Variants in ARHGEF12 observed in about 807,000 individuals in gnomAD.
The protein encoded by ARHGEF12 is Rho guanine nucleotide exchange factor 12, also known as KMT2A/ARHGEF12 fusion protein.
ARHGEF12 carries 66 observed loss-of-function variants against 211.2 expected under a neutral mutation model. That is an observed-to-expected ratio of 0.31 (90% CI 0.26 to 0.38). ARHGEF12 has a LOEUF of 0.38. ARHGEF12 is among the 10% of genes least tolerant of loss of function. ARHGEF12 has a pLI of 1.00. For synonymous variants in ARHGEF12, 592 were observed against 638.4 expected, an observed-to-expected ratio of 0.93 and a Z score of 1.09; for missense variants, 1,429 against 1,869.5, an observed-to-expected ratio of 0.76 and a Z score of 4.34.
intron 1 of ARHGEF12, among the ~76,000 whole-genome samples, chr11:120,376,441 A>G (rs1943725800): frequency 1.3e-5 from 2 of 152,088 alleles, no homozygotes; most frequent in Admixed American, 1.3e-4. Flanking sequence ...ACTGAGACTT[A>G]TTTCCTTCAT....
At chr11:120,382,857 G>C (rs1417105044) in intron 1 of ARHGEF12, among the ~76,000 whole-genome samples, 1 of 152,190 alleles carries the variant, frequency 6.6e-6, no homozygotes, top group Non-Finnish European at 1.5e-5. Flanking sequence ...AGGCAGTAAG[G>C]GGGCCGGGCG....
chr11:120,372,715 A>G (rs1237033127), intron 1 of ARHGEF12, among the ~76,000 whole-genome samples: 1 of 152,132 alleles, frequency 6.6e-6, no homozygotes, highest in Non-Finnish European at 1.5e-5. Context: ...ATGATAAGAT[A>G]GGCCTGAGTT....
intron 1 of ARHGEF12, among the ~76,000 whole-genome samples, chr11:120,405,442 AC>A (rs917264837): frequency 6.6e-6 from 1 of 151,618 alleles, no homozygotes; most frequent in African/African-American, 2.4e-5. Flanking sequence ...AGCTTATAGG[AC>A]CCCCCCAGAA....
chr11:120,387,337 C>T (rs1944068610), intron 1 of ARHGEF12, among the ~76,000 whole-genome samples: 2 of 152,000 alleles, frequency 1.3e-5, no homozygotes, highest in Admixed American at 1.3e-4. Flanking sequence ...CTGTCATCTT[C>T]CTTCTTCCCT....
At chr11:120,395,462 T>C (rs1220830778) in intron 1 of ARHGEF12, among the ~76,000 whole-genome samples, 1 of 152,220 alleles carries the variant, frequency 6.6e-6, no homozygotes, top group Non-Finnish European at 1.5e-5. Flanking sequence ...GAGCTTAATA[T>C]AGATACAGAT....
chr11:120,478,567 C>T (rs1045012583), intron 37 of ARHGEF12, among the ~76,000 whole-genome samples, 178 bp downstream of exon 37: 4 of 152,168 alleles, frequency 2.6e-5, no homozygotes, highest in African/African-American at 9.7e-5. Flanking sequence ...TCTGTTAGCT[C>T]CCCACCCCCC....
chr11:120,395,201 C>T (rs1944345622), intron 1 of ARHGEF12, among the ~76,000 whole-genome samples: 1 of 150,142 alleles, frequency 6.7e-6, no homozygotes, highest in Non-Finnish European at 1.5e-5. Context: ...ATTACATATA[C>T]ATAAAACAGG....
intron 1 of ARHGEF12, among the ~76,000 whole-genome samples, chr11:120,373,086 T>C (rs1303137674): frequency 6.6e-6 from 1 of 152,172 alleles, no homozygotes; most frequent in Non-Finnish European, 1.5e-5. Flanking sequence ...TTATATAAAA[T>C]TTCTGACATA....
At chr11:120,394,245 G>A (rs1049464068) in intron 1 of ARHGEF12, among the ~76,000 whole-genome samples, 1 of 150,994 alleles carries the variant, frequency 6.6e-6, no homozygotes, top group African/African-American at 2.4e-5. Flanking sequence ...TTTAAGACAG[G>A]GTCTTACTCT....
intron 1 of ARHGEF12, among the ~76,000 whole-genome samples, chr11:120,379,489 A>G (rs1312442507): frequency 6.6e-6 from 1 of 151,974 alleles, no homozygotes; most frequent in Non-Finnish European, 1.5e-5. Flanking sequence ...ATCTTATGGA[A>G]AGCATTCAGT....
rs556201601 is a variant in ARHGEF12 at position 120,477,133 on chromosome 11, T to G, written c.3366-86T>G. ...GTTGTTGTTGTTGGTTGATTTGGTT[T>G]TTGTTTAGTTTTGCTTTCTGAGTAT... is the stretch of plus-strand genomic sequence containing the variant. On this transcript the variant is annotated intron_variant, in intron 34 of 40. Transcript: ENST00000397843. 4.4e-5 allele frequency: 43 copies of G among 972,762 alleles called. 1 individual carries two copies. The South Asian group carries it at 5.9e-4, about 13-fold the overall frequency. The allele number at this position is 972,762 out of a possible 1,614,324, so 60.3% of individuals were successfully genotyped here.
At chr11:120,458,387 CA>C (rs1215841764) in intron 25 of ARHGEF12, 153 bp downstream of exon 25, 1 of 708,670 alleles carries the variant, frequency 1.4e-6, no homozygotes, top group African/African-American at 1.9e-5. Flanking sequence ...TCCTTGAACT[CA>C]AGAAAATGCA....
intron 1 of ARHGEF12, among the ~76,000 whole-genome samples, chr11:120,355,292 T>C (rs1943102186): frequency 6.6e-6 from 1 of 152,234 alleles, no homozygotes. Context: ...TGCTTTTATA[T>C]GTTTATTTGT....
At position 120,366,683 on chromosome 11, in the gene ARHGEF12, C is replaced by A. The variant is rs1011713831; in HGVS notation, c.32+29408C>A. 9.9e-5 allele frequency among the ~76,000 whole-genome samples: 15 copies of A among 152,182 alleles called. 1 individual carries two copies. The highest frequency in any genetic ancestry group is 9.8e-4 in the Admixed American group (15 of 15,276). ...AATTTGAACTTTTCCATCTTCTCCA[C>A]TCCAAGATCACATGACAACATCCAA... On this transcript the variant is annotated intron_variant, in intron 1 of 40. Coordinates refer to ENST00000397843, the MANE Select transcript of ARHGEF12 (RefSeq NM_015313.3).
At chr11:120,431,420 A>G (rs926901416) in intron 10 of ARHGEF12, among the ~76,000 whole-genome samples, 1 of 152,212 alleles carries the variant, frequency 6.6e-6, no homozygotes, top group African/African-American at 2.4e-5. Flanking sequence ...ACAAGAAACT[A>G]TAGGGTAATA....
chr11:120,369,026 T>C (rs1309081919), intron 1 of ARHGEF12, among the ~76,000 whole-genome samples: 2 of 152,178 alleles, frequency 1.3e-5, no homozygotes, highest in African/African-American at 4.8e-5. Context: ...GAAACAGAAT[T>C]GGTTTTGTCC....
chr11:120,478,203 T>A lies in ARHGEF12; in HGVS notation c.3580T>A (p.Ser1194Thr). The change falls in exon 37 of 41, where the codon TCT becomes ACT. Residue 1194 changes from serine (S) to threonine (T), a missense_variant. Physicochemically the swap from Ser to Thr is moderately conservative, Grantham distance 58. Coordinates refer to ENST00000397843, the MANE Select transcript of ARHGEF12 (RefSeq NM_015313.3). ...ESTLISSKPQ[S>T]HSLSTSGKSE... ...TACCTTAATATCGTCAAAACCTCAG[T>A]CTCATTCACTGAGTACCTCTGGGAA... The A allele has an allele frequency of 6.2e-7, 1 of 1,614,064 alleles. No homozygotes were observed.
chr11:120,360,225 G>A (rs555328929), intron 1 of ARHGEF12, among the ~76,000 whole-genome samples: 1 of 152,130 alleles, frequency 6.6e-6, no homozygotes, highest in Non-Finnish European at 1.5e-5. Context: ...AAAGAGGCTG[G>A]AAGGCCAATT....
intron 6 of ARHGEF12, among the ~76,000 whole-genome samples, chr11:120,422,107 C>A (rs550752982): frequency 6.6e-6 from 1 of 152,270 alleles, no homozygotes; most frequent in African/African-American, 2.4e-5. Context: ...TTGGAAAGAT[C>A]ATTTCTGTCT....
Sources: allele counts gnomAD v4.1 joint callset (sites outside exome capture counted in the v4.1 genomes callset), GRCh38; gene constraint gnomAD v4.1.1; transcripts MANE v1.5; gene names NCBI Gene and HGNC (gene_info 2026-07-23, HGNC 2026-07-21).